ARB2A: variants seen among roughly 807,000 people sequenced by gnomAD.
ARB2A encodes ARB2 cotranscriptional regulator A.
At chr5:94,099,619 C>T in the ARB2A span, among the ~76,000 whole-genome samples, 108 of 101,366 alleles carry the variant, frequency 1.1e-3, no homozygotes, top group African/African-American at 4.3e-3. Flanking sequence ...GAGATGACTC[C>T]GTCTCAAAAA....
At chr5:93,707,944 C>T in the ARB2A span, among the ~76,000 whole-genome samples, 3 of 152,056 alleles carry the variant, frequency 2.0e-5, no homozygotes, top group Admixed American at 6.6e-5. Context: ...TCTTCTCTAC[C>T]CATTTACTCC....
At chr5:94,000,486 T>G in the ARB2A span, among the ~76,000 whole-genome samples, 918 of 152,216 alleles carry the variant, frequency 6.0e-3, 9 homozygotes, top group Non-Finnish European at 0.011. Flanking sequence ...TGTTGACATC[T>G]TTGGCTCATT....
the ARB2A span, among the ~76,000 whole-genome samples, chr5:94,061,813 T>G: frequency 6.6e-6 from 1 of 152,168 alleles, no homozygotes. Context: ...AATAGACATA[T>G]CAGGTGAATG....
the ARB2A span, among the ~76,000 whole-genome samples, chr5:93,988,163 G>A: frequency 1.7e-3 from 254 of 152,072 alleles, no homozygotes; most frequent in Non-Finnish European, 2.7e-3. Flanking sequence ...TCTCTTCCTT[G>A]CTTCTGTAAT....
chr5:94,059,925 T>C, the ARB2A span, among the ~76,000 whole-genome samples: 1 of 152,006 alleles, frequency 6.6e-6, no homozygotes, highest in South Asian at 2.1e-4. Context: ...TAAACAGAAA[T>C]ATTATCCACA....
At chr5:93,796,094 A>G in the ARB2A span, among the ~76,000 whole-genome samples, 1 of 152,224 alleles carries the variant, frequency 6.6e-6, no homozygotes, top group Non-Finnish European at 1.5e-5. Context: ...GGAAGGAAGG[A>G]TAAGTATGGA....
At chr5:93,830,311 GTA>G in the ARB2A span, among the ~76,000 whole-genome samples, 105 of 82,234 alleles carry the variant, frequency 1.3e-3, no homozygotes, top group African/African-American at 3.7e-3. Context: ...GTGTGTGTGT[GTA>G]TATATATATA....
At chr5:93,649,001 C>T in the ARB2A span, among the ~76,000 whole-genome samples, 1 of 152,054 alleles carries the variant, frequency 6.6e-6, no homozygotes, top group Non-Finnish European at 1.5e-5. Flanking sequence ...CTTTACTGTT[C>T]TACCTATGTT....
chr5:93,644,024 G>A, the ARB2A span, among the ~76,000 whole-genome samples: 1 of 152,174 alleles, frequency 6.6e-6, no homozygotes, highest in African/African-American at 2.4e-5. Context: ...GAGATCTGTA[G>A]AGATCATACA....
At chr5:94,049,831 C>T in the ARB2A span, among the ~76,000 whole-genome samples, 2 of 152,062 alleles carry the variant, frequency 1.3e-5, no homozygotes, top group African/African-American at 4.8e-5. Flanking sequence ...AAAAACAAAA[C>T]AAAATTTAAA....
chr5:94,024,093 C>T, the ARB2A span, among the ~76,000 whole-genome samples: 1 of 152,140 alleles, frequency 6.6e-6, no homozygotes, highest in Non-Finnish European at 1.5e-5. Flanking sequence ...TAGGTATGAT[C>T]ATTATATGTG....
the ARB2A span, among the ~76,000 whole-genome samples, chr5:93,836,031 AT>A: frequency 9.5e-4 from 143 of 150,954 alleles, no homozygotes; most frequent in African/African-American, 3.4e-3. Context: ...GAAAGAAAAA[AT>A]TTTTTTTTTC....
At chr5:93,753,720 T>C in the ARB2A span, among the ~76,000 whole-genome samples, 2 of 152,350 alleles carry the variant, frequency 1.3e-5, no homozygotes, top group East Asian at 3.9e-4. Context: ...TATCAAGTGT[T>C]CTAGGGAAGC....
the ARB2A span, chr5:93,738,442 T>C: frequency 6.6e-6 from 1 of 152,358 alleles, no homozygotes; most frequent in African/African-American, 2.4e-5. Context: ...ATTCCACTCC[T>C]ATGTATACAT....
At chr5:93,691,699 A>C in the ARB2A span, among the ~76,000 whole-genome samples, 1 of 152,132 alleles carries the variant, frequency 6.6e-6, no homozygotes, top group South Asian at 2.1e-4. Context: ...ACTCCTCGAG[A>C]AGAGCAACCC....
the ARB2A span, among the ~76,000 whole-genome samples, chr5:93,838,206 C>A: frequency 6.6e-6 from 1 of 152,066 alleles, no homozygotes; most frequent in African/African-American, 2.4e-5. Flanking sequence ...CAATTTCAAT[C>A]TTCTGCATAT....
chr5:93,785,402 A>T, the ARB2A span, among the ~76,000 whole-genome samples: 1 of 151,554 alleles, frequency 6.6e-6, no homozygotes, highest in Non-Finnish European at 1.5e-5. Flanking sequence ...AAATTCTTTT[A>T]TTGAAAAAAA....
chr5:93,749,406 T>C, the ARB2A span, among the ~76,000 whole-genome samples: 1 of 152,192 alleles, frequency 6.6e-6, no homozygotes, highest in African/African-American at 2.4e-5. Context: ...AACTGAACTT[T>C]GAATCTTGTT....
At chr5:93,964,804 T>C in the ARB2A span, among the ~76,000 whole-genome samples, 2 of 152,038 alleles carry the variant, frequency 1.3e-5, no homozygotes, top group Non-Finnish European at 2.9e-5. Context: ...TCTGAAAGTA[T>C]ATTTTCTTTT....
Sources: gnomAD v4.1 joint callset for allele counts (sites outside exome capture counted in the v4.1 genomes callset) on GRCh38, gnomAD v4.1.1 for gene constraint, MANE v1.5 for transcripts, NCBI Gene and HGNC (gene_info 2026-07-23, HGNC 2026-07-21) for gene names.